The following GRIP1 variants were observed in gnomAD, a reference collection of about 807,000 sequenced individuals.
GRIP1 encodes the protein glutamate receptor-interacting protein 1.
A neutral mutation model predicts 129.9 loss-of-function variants in GRIP1; 45 were observed. That is an observed-to-expected ratio of 0.35 (90% CI 0.27 to 0.44). GRIP1 has a LOEUF of 0.44. GRIP1 is among the 20% of genes least tolerant of loss of function. GRIP1 has a pLI of 1.00. For missense variants in GRIP1, 1,196 were observed against 1,396.8 expected, an observed-to-expected ratio of 0.86 and a Z score of 2.29; for synonymous variants, 530 against 520.8, an observed-to-expected ratio of 1.02 and a Z score of -0.24.
chr12:66,851,262 T>G (rs2039907104), intron 1 of GRIP1, among the ~76,000 whole-genome samples: 1 of 151,768 alleles, frequency 6.6e-6, no homozygotes, highest in South Asian at 2.1e-4. Flanking sequence ...CACCATTACC[T>G]CCTACACAGG....
chr12:66,893,833 T>C (rs1470820752), intron 1 of GRIP1, among the ~76,000 whole-genome samples: 1 of 152,212 alleles, frequency 6.6e-6, no homozygotes, highest in East Asian at 1.9e-4. Context: ...AATCACCTCT[T>C]ATTCAAAACC....
At chr12:67,033,881 A>G (rs1038540667) in intron 1 of GRIP1, among the ~76,000 whole-genome samples, 6 of 152,204 alleles carry the variant, frequency 3.9e-5, no homozygotes, top group Admixed American at 3.3e-4. Flanking sequence ...TGTTTGTTGA[A>G]TCTGAAAAGA....
upstream of GRIP1, among the ~76,000 whole-genome samples, chr12:66,809,180 C>T (rs996347082): frequency 1.3e-5 from 2 of 152,186 alleles, no homozygotes; most frequent in African/African-American, 4.8e-5. Flanking sequence ...ATAGCATTTA[C>T]ATGATTTCCG....
chr12:66,529,611 T>C (rs1228905367), intron 5 of GRIP1, among the ~76,000 whole-genome samples: 2 of 151,998 alleles, frequency 1.3e-5, no homozygotes, highest in East Asian at 1.9e-4. Context: ...ATAAGAAAGA[T>C]ACAAGGGACT....
At chr12:67,068,289 G>A (rs563974148) in intron 1 of GRIP1, among the ~76,000 whole-genome samples, 1 of 152,288 alleles carries the variant, frequency 6.6e-6, no homozygotes, top group South Asian at 2.1e-4. Context: ...TTGTCAAGCT[G>A]AAGCACAAAA....
Position 66,451,383 on chromosome 12 carries a change from G to GTTTTTTTTTTTTTTTTTTTTTTT in GRIP1, c.1354+4003_1354+4025dup, listed in dbSNP as rs1169331519. ...CCCCAAAGATTTATTATTATAATCT[G>GTTTTTTTTTTTTTTTTTTTTTTT]TTTTTTTTTTTTTTTTTTTTTTTTT... On this transcript the variant is annotated intron_variant, in intron 11 of 24. Coordinates refer to ENST00000359742, the MANE Select transcript of GRIP1 (RefSeq NM_001366722.1). Among the ~76,000 whole-genome samples, 6 of 42,650 alleles carry GTTTTTTTTTTTTTTTTTTTTTTT rather than the reference G, an allele frequency of 1.4e-4. 1 individual carries two copies. Among genetic ancestry groups the GTTTTTTTTTTTTTTTTTTTTTTT allele is most frequent in the Non-Finnish European group, 2.1e-4 (5 of 23,900 alleles). The allele number at this position is 42,650 out of a possible 152,430, so 28.0% of individuals were successfully genotyped here. A position where few individuals can be genotyped will look rare whatever the true frequency, so the allele number is the denominator to read the frequency against.
At chr12:67,068,853 G>C (rs867955579) in intron 1 of GRIP1, among the ~76,000 whole-genome samples, 1,224 of 11,560 alleles carry the variant, frequency 0.11, 46 homozygotes, top group Non-Finnish European at 0.12. Flanking sequence ...CTCTCATCCC[G>C]CCCCCCCCCC....
chr12:66,523,242 T>A (rs1202061774), intron 5 of GRIP1, among the ~76,000 whole-genome samples: 1 of 150,644 alleles, frequency 6.6e-6, no homozygotes, highest in East Asian at 1.9e-4. Context: ...TTCACCAAAG[T>A]TGAAATGAAG....
intron 3 of GRIP1, among the ~76,000 whole-genome samples, chr12:66,540,972 T>TAAA (rs1565843221): frequency 1.3e-5 from 2 of 151,870 alleles, no homozygotes; most frequent in Non-Finnish European, 2.9e-5. Context: ...CTTTTTTTTT[T>TAAA]TAATTTTTTT....
rs189375660 is a variant in GRIP1 at position 66,949,804 on chromosome 12, G to A, written c.58+119246C>T. ...TTTTTTTGAGATGGAGTCTCGCTCA[G>A]TCGCCCAGGCTGGAGTGCAGTGGCG... On this transcript the variant is annotated intron_variant, in intron 1 of 1. Coordinates refer to the GRIP1 transcript ENST00000643019. Among the ~76,000 whole-genome samples, 374 of 124,928 alleles carry A rather than the reference G, an allele frequency of 3.0e-3. 5 individuals carry two copies. The highest frequency in any genetic ancestry group is 3.8e-3 in the Non-Finnish European group (239 of 63,544). The allele number at this position is 124,928 out of a possible 152,430, so 82.0% of individuals were successfully genotyped here. A position where few individuals can be genotyped will look rare whatever the true frequency, so the allele number is the denominator to read the frequency against.
intron 7 of GRIP1, among the ~76,000 whole-genome samples, chr12:66,473,069 T>C (rs1053941250): frequency 1.6e-4 from 24 of 152,114 alleles, no homozygotes; most frequent in Non-Finnish European, 7.4e-5. Flanking sequence ...CAAGCTAAGA[T>C]CCACTGGCTT....
At chr12:66,619,472 C>T (rs144542839) in intron 1 of GRIP1, among the ~76,000 whole-genome samples, 2,460 of 152,188 alleles carry the variant, frequency 0.016, 73 homozygotes, top group African/African-American at 0.057. Context: ...TTTCTTTCCT[C>T]TTAGTGGCAC....
At chr12:66,652,967 C>T (rs907517745) in intron 1 of GRIP1, among the ~76,000 whole-genome samples, 3 of 152,130 alleles carry the variant, frequency 2.0e-5, no homozygotes, top group African/African-American at 7.2e-5. Flanking sequence ...TGAAAGACTC[C>T]AGAGGTAGAA....
At position 66,456,281 on chromosome 12, in the gene GRIP1, G is replaced by C; in HGVS notation, c.1104C>G (p.Ser368Arg). 1 of 1,289,358 alleles carries C rather than the reference G, an allele frequency of 7.8e-7. No individual in the cohort carries two copies. Among genetic ancestry groups the C allele is most frequent in the Non-Finnish European group, 1.0e-6 (1 of 988,206 alleles). 79.9% of individuals were successfully genotyped at this position (1,289,358 alleles called of 1,614,324 possible). The change falls in exon 10 of 25, where the codon AGC (serine) becomes AGG (arginine). Residue 368 changes from serine (S) to arginine (R), a missense_variant. By Grantham distance (110) the Ser-to-Arg change is moderately radical. Around this residue, in one of 5 missense-constraint regions of GRIP1, gnomAD observed 508 missense variants for 587.0 expected, o/e 0.87. Coordinates refer to ENST00000359742, the MANE Select transcript of GRIP1 (RefSeq NM_001366722.1). ...TGTTATAGTGATGGTTGGTGTGAAG[G>C]CTGCTGTGGTTGCTGGCCCAGGAAT... ...TWDSWASNHS[S>R]LHTNHHYNTY... is the part of the protein sequence containing the mutation.
chr12:67,015,078 C>T (rs2042765426), intron 1 of GRIP1, among the ~76,000 whole-genome samples: 1 of 152,092 alleles, frequency 6.6e-6, no homozygotes, highest in Non-Finnish European at 1.5e-5. Context: ...CTTTCTAAGA[C>T]ACTATGACTT....
At chr12:66,720,906 C>T (rs76655390) in intron 1 of GRIP1, among the ~76,000 whole-genome samples, 3 of 152,174 alleles carry the variant, frequency 2.0e-5, no homozygotes, top group Admixed American at 1.3e-4. Context: ...ATATGAATCA[C>T]AAATGTTCTG....
chr12:66,680,899 A>G (rs1434141639), upstream of GRIP1, among the ~76,000 whole-genome samples: 1 of 152,108 alleles, frequency 6.6e-6, no homozygotes, highest in Non-Finnish European at 1.5e-5. Context: ...TGCAGACTCA[A>G]ATCCAATTTG....
chr12:67,061,340 A>G (rs1230111204), intron 1 of GRIP1, among the ~76,000 whole-genome samples: 3 of 152,224 alleles, frequency 2.0e-5, no homozygotes, highest in Non-Finnish European at 2.9e-5. Flanking sequence ...CTCTAAGTAT[A>G]AACCCCAAAG....
intron 1 of GRIP1, among the ~76,000 whole-genome samples, chr12:66,703,434 A>G (rs1045229662): frequency 6.6e-6 from 1 of 152,128 alleles, no homozygotes; most frequent in Non-Finnish European, 1.5e-5. Flanking sequence ...TGGAGGATGC[A>G]TGGGAGAGGG....
Sources: gnomAD v4.1 joint callset for allele counts (sites outside exome capture counted in the v4.1 genomes callset) on GRCh38, gnomAD v4.1.1 for gene constraint, gnomAD v4.1.1 regional missense constraint, MANE v1.5 for transcripts, NCBI Gene and HGNC (gene_info 2026-07-23, HGNC 2026-07-21) for gene names.